Variants in ITGA1 observed in about 807,000 individuals in gnomAD.
ITGA1 encodes integrin subunit alpha 1.
In ITGA1, 85 loss-of-function variants were observed where a neutral mutation model predicts 145.9. The ratio of observed to expected loss-of-function variants is 0.58; its 90% confidence interval spans 0.49 to 0.70. The LOEUF (loss-of-function observed/expected upper bound fraction) is 0.70. Ranked by LOEUF, ITGA1 falls within the 30% of genes least tolerant of loss-of-function variation. The pLI is 0.00. For missense variants in ITGA1, 1,351 were observed against 1,418.7 expected (o/e 0.95, Z 0.77); for synonymous variants, 520 against 495.3 (o/e 1.05, Z -0.66).
rs1750924651 is a variant in ITGA1, at chr5:52,933,736, G to T, written c.2862-158G>T. 9 of 370,480 alleles carry T rather than the reference G, an allele frequency of 2.4e-5. No homozygotes were observed. The East Asian group carries it at 3.9e-4, about 16-fold the overall frequency. 22.9% of individuals were successfully genotyped at this position (370,480 alleles called of 1,614,324 possible). A position where few individuals can be genotyped will look rare whatever the true frequency, so the allele number is the denominator to read the frequency against. On this transcript the variant is annotated intron_variant, in intron 22 of 28. Coordinates refer to ENST00000282588, the MANE Select transcript of ITGA1 (RefSeq NM_181501.2). ...CATAATCCTTCTCACTCTCCTCAAA[G>T]ATTTAATTTTACGTTTCAAGGTAAA...
At chr5:52,884,856 G>A (rs1750022250) in intron 7 of ITGA1, among the ~76,000 whole-genome samples, 1 of 152,142 alleles carries the variant, frequency 6.6e-6, no homozygotes, top group Non-Finnish European at 1.5e-5. Flanking sequence ...ATTCAATTCA[G>A]TTCTGACACC....
chr5:52,903,219 C>G (rs966926062), intron 11 of ITGA1: 7 of 152,104 alleles, frequency 4.6e-5, no homozygotes, highest in African/African-American at 7.2e-5. Context: ...TACACACACA[C>G]ACACACACAC....
intron 1 of ITGA1, among the ~76,000 whole-genome samples, chr5:52,841,622 T>A (rs1470727387): frequency 6.6e-6 from 1 of 152,182 alleles, no homozygotes; most frequent in Non-Finnish European, 1.5e-5. Flanking sequence ...TGATTAAAAT[T>A]TCCAACCCAT....
intron 7 of ITGA1, 106 bp from the exon 8 acceptor site, chr5:52,887,709 G>A: frequency 1.9e-6 from 2 of 1,048,644 alleles, no homozygotes; most frequent in Non-Finnish European, 2.7e-6. Flanking sequence ...ATTTTGGAGG[G>A]AAGCACCAGG....
In ITGA1 at chr5:52,951,627, A is replaced by ACAGACAACT. The variant is rs563498678; in HGVS notation, c.3496-775_3496-767dup. Among the ~76,000 whole-genome samples the ACAGACAACT allele has an allele frequency of 1.8e-3, 276 of 152,320 alleles. 1 individual carries two copies. The highest frequency in any genetic ancestry group is 6.4e-3 in the African/African-American group (264 of 41,572). ...ACGTCCTGATGCATTTAAAGTTAATACAGACAACTCAGAAATCTCCCTAAC... is the reference window on the plus strand; with the variant it reads ...ACGTCCTGATGCATTTAAAGTTAATACAGACAACTCAGACAACTCAGAAATCTCCCTAAC... On this transcript the variant is annotated intron_variant, in intron 28 of 28. Transcript: ENST00000282588.
chr5:52,910,896 T>C (rs1056206526), intron 14 of ITGA1, among the ~76,000 whole-genome samples: 4 of 137,110 alleles, frequency 2.9e-5, no homozygotes, highest in Non-Finnish European at 6.1e-5. Flanking sequence ...ATACTATATA[T>C]AGTATATACG....
intron 2 of ITGA1, 24 bp downstream of exon 2, chr5:52,849,509 G>T (rs141004541): frequency 1.3e-6 from 2 of 1,560,514 alleles, no homozygotes; most frequent in East Asian, 2.3e-5. Context: ...TTTTGTTGTT[G>T]TTATTTACTT....
At chr5:52,803,269 G>A (rs1179950694) in intron 1 of ITGA1, 1 of 151,968 alleles carries the variant, frequency 6.6e-6, no homozygotes. Context: ...GTATATTTTT[G>A]TACATCTATC....
chr5:52,865,561 A>G, intron 5 of ITGA1, 129 bp from the exon 6 acceptor site: 1 of 699,226 alleles, frequency 1.4e-6, no homozygotes, highest in Non-Finnish European at 2.2e-6. Context: ...TTTATTGCTA[A>G]AACAATGTGT....
rs1032250614 is a variant in ITGA1, at chr5:52,788,339, G to A, written c.-15G>A. The A allele has an allele frequency of 6.7e-7, 1 of 1,499,422 alleles. No homozygotes were observed. The highest frequency in any genetic ancestry group is 8.9e-7 in the Non-Finnish European group (1 of 1,129,858). The allele number at this position is 1,499,422 out of a possible 1,614,324, so 92.9% of individuals were successfully genotyped here. A position where few individuals can be genotyped will look rare whatever the true frequency, so the allele number is the denominator to read the frequency against. Reference sequence around the variant, plus strand: ...CGAACCAGCGCGGCCCCCTGGCGCTGAGGCTGCTCCGGCCATGGCCCCTCG... The same window carrying A: ...CGAACCAGCGCGGCCCCCTGGCGCTAAGGCTGCTCCGGCCATGGCCCCTCG... On this transcript the variant is annotated 5_prime_UTR_variant, in exon 1 of 29. Transcript: ENST00000282588.
At position 52,947,417 on chromosome 5, in the gene ITGA1, G is replaced by T. The variant is rs1335103839; in HGVS notation, c.3451G>T (p.Ala1151Ser). The T allele has an allele frequency of 3.1e-6, 5 of 1,613,744 alleles. No homozygotes were observed. Among genetic ancestry groups the T allele is most frequent in the Middle Eastern group, 1.6e-4 (1 of 6,062 alleles). ...PLWVILLSAFAGLLLLMLLIL... is the reference protein window; with the variant it reads ...PLWVILLSAFSGLLLLMLLIL... ...ATGGGTCATCCTGCTGAGTGCTTTT[G>T]CCGGATTGTTGCTGTTAATGCTGCT... Residue 1151 changes from alanine (A) to serine (S), a missense_variant, in exon 28 of 29, where the codon GCC (alanine) becomes TCC (serine). Ala to Ser is a moderately conservative substitution (Grantham distance 99). Coordinates refer to ENST00000282588, the MANE Select transcript of ITGA1 (RefSeq NM_181501.2).
intron 2 of ITGA1, among the ~76,000 whole-genome samples, chr5:52,851,321 T>C (rs1749428521): frequency 6.6e-6 from 1 of 152,182 alleles, no homozygotes; most frequent in African/African-American, 2.4e-5. Context: ...TTCATATTTC[T>C]TTTTAGAAGC....
chr5:52,800,355 T>G (rs199658918), intron 1 of ITGA1: 31 of 1,611,280 alleles, frequency 1.9e-5, no homozygotes, highest in Non-Finnish European at 2.5e-5. Context: ...GAGGACCTCC[T>G]TGGTTCCTTT....
At chr5:52,944,455 T>C (rs968492952) in intron 26 of ITGA1, among the ~76,000 whole-genome samples, 1 of 152,162 alleles carries the variant, frequency 6.6e-6, no homozygotes, top group African/African-American at 2.4e-5. Context: ...ACACTTGCGG[T>C]GTTTTCTCCC....
At chr5:52,858,608 A>AT (rs1176855717) in intron 2 of ITGA1, among the ~76,000 whole-genome samples, 3 of 152,110 alleles carry the variant, frequency 2.0e-5, no homozygotes, top group Non-Finnish European at 2.9e-5. Flanking sequence ...TCGTAGGCTC[A>AT]TTTTTTTCTC....
chr5:52,808,676 C>CTTTCTTTTTTTTTTTTTT (rs1554041033), intron 1 of ITGA1, among the ~76,000 whole-genome samples: 103 of 69,342 alleles, frequency 1.5e-3, no homozygotes, highest in African/African-American at 3.0e-3. Context: ...TTCTTTCTTT[C>CTTTCTTTTTTTTTTTTTT]TTTTTTTTTT....
intron 1 of ITGA1, chr5:52,801,381 T>A (rs1236287321): frequency 1.1e-5 from 17 of 1,571,188 alleles, no homozygotes; most frequent in Non-Finnish European, 1.5e-5. Context: ...GAGATTATTT[T>A]GCCTAACTTT....
chr5:52,808,208 C>G (rs940339859), intron 1 of ITGA1, among the ~76,000 whole-genome samples: 1 of 152,148 alleles, frequency 6.6e-6, no homozygotes, highest in African/African-American at 2.4e-5. Context: ...TTAAAGAAGT[C>G]AAATAAATGT....
At chr5:52,826,918 T>G (rs1043058092) in intron 1 of ITGA1, among the ~76,000 whole-genome samples, 1 of 152,168 alleles carries the variant, frequency 6.6e-6, no homozygotes, top group Admixed American at 6.6e-5. Flanking sequence ...GATACAAGAT[T>G]CATTCTGTAC....
Sources: gnomAD v4.1 joint callset for allele counts (sites outside exome capture counted in the v4.1 genomes callset) on GRCh38, gnomAD v4.1.1 for gene constraint, MANE v1.5 for transcripts, NCBI Gene and HGNC (gene_info 2026-07-23, HGNC 2026-07-21) for gene names.